The following CNTN5 variants were observed in gnomAD, a reference collection of about 807,000 sequenced individuals.
The protein encoded by CNTN5 is contactin-5.
In CNTN5, 77 loss-of-function variants were observed where a neutral mutation model predicts 129.1. That is an observed-to-expected ratio of 0.60 (90% CI 0.50 to 0.72). CNTN5 has a LOEUF of 0.72. Among genes scored for constraint, CNTN5 ranks in the 30% least tolerant of loss-of-function variants. The probability of loss-of-function intolerance (pLI) is 0.00; values close to 1 mark genes in which losing one functional copy is unlikely to be tolerated. For missense variants in CNTN5, 1,478 were observed against 1,328.8 expected, an observed-to-expected ratio of 1.11 and a Z score of -1.75; for synonymous variants, 509 against 465.6, an observed-to-expected ratio of 1.09 and a Z score of -1.20.
intron 13 of CNTN5, among the ~76,000 whole-genome samples, chr11:100,085,583 C>G (rs1421558): frequency 0.12 from 17,498 of 151,936 alleles, 1,037 homozygotes; most frequent in Admixed American, 0.13. Flanking sequence ...ATATAGACAC[C>G]TATAAAATAG....
intron 1 of CNTN5, among the ~76,000 whole-genome samples, chr11:99,110,089 G>C (rs1857716566): frequency 6.6e-6 from 1 of 152,076 alleles, no homozygotes; most frequent in African/African-American, 2.4e-5. Flanking sequence ...AGAAAGAAGG[G>C]AACCTCGCTC....
chr11:99,627,540 G>T (rs758528650), intron 3 of CNTN5, among the ~76,000 whole-genome samples: 9 of 152,022 alleles, frequency 5.9e-5, no homozygotes, highest in Non-Finnish European at 8.8e-5. Context: ...ACACTTCAAG[G>T]TTATCATGTA....
chr11:99,092,574 A>G (rs1194400556), intron 1 of CNTN5, among the ~76,000 whole-genome samples: 4 of 152,124 alleles, frequency 2.6e-5, no homozygotes, highest in Non-Finnish European at 5.9e-5. Context: ...AAAATGTACA[A>G]TATTTGAAAA....
At chr11:99,776,634 C>G (rs988920585) in intron 3 of CNTN5, among the ~76,000 whole-genome samples, 2 of 151,246 alleles carry the variant, frequency 1.3e-5, no homozygotes, top group Non-Finnish European at 2.9e-5. Context: ...AAACATTGAT[C>G]CTGTTAACTT....
intron 18 of CNTN5, among the ~76,000 whole-genome samples, chr11:100,291,620 AG>A (rs1489362888): frequency 1.3e-5 from 2 of 151,828 alleles, no homozygotes; most frequent in African/African-American, 4.8e-5. Context: ...GGGAAGGGGG[AG>A]GGATAGCATT....
chr11:99,388,467 A>G (rs1002949934), intron 2 of CNTN5, among the ~76,000 whole-genome samples: 1 of 150,018 alleles, frequency 6.7e-6, no homozygotes, highest in African/African-American at 2.5e-5. Context: ...TCTTCATGGC[A>G]CTTTGTACGC....
intron 1 of CNTN5, among the ~76,000 whole-genome samples, chr11:99,118,458 C>G (rs1858146314): frequency 6.6e-6 from 1 of 152,008 alleles, no homozygotes; most frequent in Admixed American, 6.6e-5. Context: ...ATGTAGATGA[C>G]TATTTCACAT....
At chr11:99,496,852 A>G (rs1414372224) in intron 2 of CNTN5, among the ~76,000 whole-genome samples, 1 of 152,220 alleles carries the variant, frequency 6.6e-6, no homozygotes, top group Admixed American at 6.5e-5. Context: ...GTGTAAAGTC[A>G]ACCCTAAATG....
chr11:99,753,651 GAAAA>G (rs201045916), intron 3 of CNTN5, among the ~76,000 whole-genome samples: 44 of 96,312 alleles, frequency 4.6e-4, no homozygotes, highest in African/African-American at 1.7e-3. Context: ...AATTTTTACT[GAAAA>G]AAAAAAAAAA....
At position 99,889,359 on chromosome 11, in the gene CNTN5, T is replaced by TAC. The variant is rs1397551848; in HGVS notation, c.578-26694_578-26693insCA. Among the ~76,000 whole-genome samples the TAC allele has an allele frequency of 1.8e-3, 193 of 104,854 alleles. 13 individuals carry two copies. The highest frequency in any genetic ancestry group is 0.011 in the Middle Eastern group (2 of 176). 68.8% of individuals were successfully genotyped at this position (104,854 alleles called of 152,430 possible). ...GTGTGTGTGTGTGTGTGTGTGTGTA[T>TAC]ATATATCTCTCCATCATATATATGA... On this transcript the variant is annotated intron_variant, in intron 6 of 24. Transcript: ENST00000524871.
At chr11:100,071,917 T>C in intron 12 of CNTN5, 83 bp downstream of exon 12, 5 of 1,226,344 alleles carry the variant, frequency 4.1e-6, no homozygotes, top group East Asian at 2.6e-5. Context: ...TGAAGGTTTA[T>C]GATGTGGTTG....
chr11:99,254,493 A>G (rs1591427722), intron 1 of CNTN5, among the ~76,000 whole-genome samples: 1 of 151,996 alleles, frequency 6.6e-6, no homozygotes, highest in East Asian at 1.9e-4. Flanking sequence ...AGTAAAATGT[A>G]TCTTTACATT....
At chr11:99,545,654 C>A (rs563423095) in intron 2 of CNTN5, among the ~76,000 whole-genome samples, 2 of 152,130 alleles carry the variant, frequency 1.3e-5, no homozygotes, top group Non-Finnish European at 2.9e-5. Context: ...CAAATTTATC[C>A]ATGTGAAATA....
intron 16 of CNTN5, among the ~76,000 whole-genome samples, chr11:100,250,884 T>G (rs1949949859): frequency 6.6e-6 from 1 of 152,160 alleles, no homozygotes; most frequent in Admixed American, 6.6e-5. Context: ...AACAAAGAGT[T>G]GTCTTCCACA....
At chr11:99,606,699 A>G (rs1950427993) in intron 3 of CNTN5, among the ~76,000 whole-genome samples, 1 of 140,770 alleles carries the variant, frequency 7.1e-6, no homozygotes, top group East Asian at 2.0e-4. Flanking sequence ...TTCAAACTAT[A>G]CTACAAGGCT....
chr11:100,243,725 T>C (rs1340775948), intron 16 of CNTN5, among the ~76,000 whole-genome samples: 8 of 152,180 alleles, frequency 5.3e-5, no homozygotes, highest in Admixed American at 3.9e-4. Context: ...AATTGTGTTT[T>C]TCACTTCATA....
At chr11:99,403,759 G>C (rs1034936566) in intron 2 of CNTN5, among the ~76,000 whole-genome samples, 1 of 152,228 alleles carries the variant, frequency 6.6e-6, no homozygotes. Flanking sequence ...TTTAAGACTT[G>C]TTTTGTGACT....
chr11:99,696,588 A>T (rs1954279120), intron 3 of CNTN5, among the ~76,000 whole-genome samples: 1 of 151,830 alleles, frequency 6.6e-6, no homozygotes, highest in Non-Finnish European at 1.5e-5. Flanking sequence ...CAGTTATGGG[A>T]TGAAGACTAG....
chr11:99,636,304 A>G (rs1951551593), intron 3 of CNTN5, among the ~76,000 whole-genome samples: 1 of 152,204 alleles, frequency 6.6e-6, no homozygotes. Flanking sequence ...CATCTTCCCT[A>G]ATATATGCCA....
Sources: gnomAD v4.1 joint callset for allele counts (sites outside exome capture counted in the v4.1 genomes callset) on GRCh38, gnomAD v4.1.1 for gene constraint, MANE v1.5 for transcripts, NCBI Gene and HGNC (gene_info 2026-07-23, HGNC 2026-07-21) for gene names.